Variants in CHCHD6 observed in about 807,000 individuals in gnomAD.
The protein encoded by CHCHD6 is coiled-coil-helix-coiled-coil-helix domain containing 6.
A neutral mutation model predicts 32.3 loss-of-function variants in CHCHD6; 28 were observed. That is an observed-to-expected ratio of 0.87 (90% CI 0.64 to 1.19). CHCHD6 has a LOEUF of 1.19. CHCHD6 is among the 50% of genes most tolerant of loss of function. The pLI is 0.00. For missense variants in CHCHD6, 333 were observed against 307.0 expected (o/e 1.08, Z -0.63); for synonymous variants, 122 against 117.5 (o/e 1.04, Z -0.25).
At chr3:126,758,012 A>G (rs1937026681) in intron 4 of CHCHD6, among the ~76,000 whole-genome samples, 1 of 152,206 alleles carries the variant, frequency 6.6e-6, no homozygotes, top group Admixed American at 6.5e-5. Context: ...AGTGGAAGGC[A>G]GGTTTTTGGT....
chr3:126,764,273 C>T (rs1937276427), intron 4 of CHCHD6, among the ~76,000 whole-genome samples: 1 of 148,610 alleles, frequency 6.7e-6, no homozygotes, highest in Admixed American at 6.7e-5. Context: ...CACCTTCAAC[C>T]AAATCACAAC....
intron 4 of CHCHD6, among the ~76,000 whole-genome samples, chr3:126,751,621 T>G (rs1441663362): frequency 6.6e-6 from 1 of 151,002 alleles, no homozygotes; most frequent in African/African-American, 2.4e-5. Flanking sequence ...CAGACCTGGG[T>G]TTTTAGGGTT....
At chr3:126,855,352 A>G (rs1184686295) in intron 5 of CHCHD6, among the ~76,000 whole-genome samples, 1 of 152,144 alleles carries the variant, frequency 6.6e-6, no homozygotes, top group East Asian at 1.9e-4. Flanking sequence ...TAAAATGGAG[A>G]TGCTAATGCT....
At chr3:126,957,299 C>T in intron 6 of CHCHD6, 117 bp from the exon 7 acceptor site, 1 of 1,136,430 alleles carries the variant, frequency 8.8e-7, no homozygotes, top group Non-Finnish European at 1.3e-6. Flanking sequence ...AAGGATGCTG[C>T]TGGGTGTCAG....
rs116167118 is a variant in CHCHD6, at chr3:126,878,123, G to C, written c.495+25393G>C. Among the ~76,000 whole-genome samples the C allele has an allele frequency of 6.1e-3, 930 of 152,310 alleles. 9 individuals are homozygous for C. The highest frequency in any genetic ancestry group is 0.021 in the African/African-American group (890 of 41,574). On this transcript the variant is annotated intron_variant, in intron 5 of 7. Coordinates refer to ENST00000290913, the MANE Select transcript of CHCHD6 (RefSeq NM_032343.3). ...GGACAGAAGGTGCAAAAATGGAATG[G>C]AGGAAGAAAGAGCCTTGTGGTCTTG...
intron 4 of CHCHD6, among the ~76,000 whole-genome samples, chr3:126,845,170 G>A (rs1311650822): frequency 6.6e-6 from 1 of 152,052 alleles, no homozygotes; most frequent in African/African-American, 2.4e-5. Flanking sequence ...TGTAATTTCT[G>A]ATGTGACTAT....
chr3:126,878,650 G>A (rs528958661), intron 5 of CHCHD6, among the ~76,000 whole-genome samples: 10 of 152,352 alleles, frequency 6.6e-5, no homozygotes, highest in African/African-American at 2.2e-4. Context: ...AGGATATACC[G>A]TCACTTTTGC....
Position 126,798,778 on chromosome 3 carries a change from G to A in CHCHD6, c.412-53869G>A, listed in dbSNP as rs527712850. Among the ~76,000 whole-genome samples the A allele has an allele frequency of 3.9e-5, 6 of 152,248 alleles. No individual in the cohort carries two copies. The South Asian group carries it at 6.2e-4, about 16-fold the overall frequency. The stretch of plus-strand genomic sequence containing the variant: ...CAAGACCAGATGTTGGTTGAATTTC[G>A]CAGGAATTGGAGCTCAGTCTGCCTT... On this transcript the variant is annotated intron_variant, in intron 4 of 7. Transcript: ENST00000290913.
intron 4 of CHCHD6, among the ~76,000 whole-genome samples, chr3:126,751,603 A>G (rs1936722976): frequency 6.6e-6 from 1 of 151,478 alleles, no homozygotes. Context: ...GGGGCCCTCT[A>G]GCCAGAGCAG....
At chr3:126,797,821 G>T (rs974441413) in intron 4 of CHCHD6, among the ~76,000 whole-genome samples, 1 of 152,044 alleles carries the variant, frequency 6.6e-6, no homozygotes, top group Non-Finnish European at 1.5e-5. Flanking sequence ...TCTGCCACTC[G>T]GTGTGGTGTG....
At chr3:126,929,293 C>G (rs1435060821) in intron 6 of CHCHD6, among the ~76,000 whole-genome samples, 1 of 151,672 alleles carries the variant, frequency 6.6e-6, no homozygotes, top group Non-Finnish European at 1.5e-5. Flanking sequence ...CAGGCATCGT[C>G]TCTCTTGTCT....
chr3:126,810,474 GGTGATAGACTATTTAT>G (rs993882984), intron 4 of CHCHD6, among the ~76,000 whole-genome samples: 23 of 152,176 alleles, frequency 1.5e-4, no homozygotes, highest in Non-Finnish European at 2.6e-4. Context: ...TACAGTTTGT[GGTGATAGACTATTTAT>G]GTGCTATTTG....
At chr3:126,797,297 T>A (rs1402193043) in intron 4 of CHCHD6, among the ~76,000 whole-genome samples, 3 of 152,194 alleles carry the variant, frequency 2.0e-5, no homozygotes, top group African/African-American at 7.2e-5. Flanking sequence ...TAGTGAGGAT[T>A]GTTGAAAGAC....
At chr3:126,749,157 G>T (rs1230271472) in intron 4 of CHCHD6, among the ~76,000 whole-genome samples, 1 of 152,166 alleles carries the variant, frequency 6.6e-6, no homozygotes, top group African/African-American at 2.4e-5. Context: ...TGAACAGTGG[G>T]TGGGGACTCA....
At chr3:126,864,931 A>ACCTCCTCCTCCACCATCCTCTCCT (rs1942208555) in intron 5 of CHCHD6, among the ~76,000 whole-genome samples, 1 of 100,224 alleles carries the variant, frequency 1.0e-5, no homozygotes, top group African/African-American at 4.6e-5. Flanking sequence ...CTCCACCATC[A>ACCTCCTCCTCCACCATCCTCTCCT]CCTCCTCCTC....
chr3:126,802,259 C>T (rs759763566), intron 4 of CHCHD6, among the ~76,000 whole-genome samples: 2 of 152,148 alleles, frequency 1.3e-5, no homozygotes, highest in Non-Finnish European at 2.9e-5. Flanking sequence ...GACGATCAAA[C>T]TACTGTGAGC....
intron 5 of CHCHD6, among the ~76,000 whole-genome samples, chr3:126,886,933 C>G (rs909753429): frequency 1.3e-5 from 2 of 152,196 alleles, no homozygotes; most frequent in East Asian, 3.9e-4. Context: ...CTTCACCCCT[C>G]GTCTCATCAA....
chr3:126,897,333 C>T (rs972713636), intron 5 of CHCHD6, among the ~76,000 whole-genome samples: 18 of 152,196 alleles, frequency 1.2e-4, no homozygotes, highest in Non-Finnish European at 2.9e-5. Flanking sequence ...TAGATAACGA[C>T]TCTGAAAGAT....
intron 4 of CHCHD6, among the ~76,000 whole-genome samples, chr3:126,739,353 G>A (rs144696173): frequency 8.0e-4 from 122 of 152,130 alleles, no homozygotes; most frequent in African/African-American, 2.9e-3. Context: ...CTTTGTTGTT[G>A]TTGTTGTTAC....
Sources: gnomAD v4.1 joint callset for allele counts (sites outside exome capture counted in the v4.1 genomes callset) on GRCh38, gnomAD v4.1.1 for gene constraint, MANE v1.5 for transcripts, NCBI Gene and HGNC (gene_info 2026-07-23, HGNC 2026-07-21) for gene names.